The following GALNTL5 variants were observed in gnomAD, a reference collection of about 807,000 sequenced individuals.
GALNTL5 encodes the protein polypeptide N-acetylgalactosaminyltransferase like 5, also known as inactive polypeptide N-acetylgalactosaminyltransferase-like protein 5.
A neutral mutation model predicts 51.0 loss-of-function variants in GALNTL5; 44 were observed. The observed-to-expected ratio is 0.86, with a 90% CI of 0.68 to 1.11. GALNTL5 has a LOEUF of 1.11. GALNTL5 is among the 50% of genes least tolerant of loss of function. The probability of loss-of-function intolerance (pLI) is 0.00; values close to 1 mark genes in which losing one functional copy is unlikely to be tolerated. For missense variants in GALNTL5, 528 were observed against 531.8 expected, an observed-to-expected ratio of 0.99 and a Z score of 0.07; for synonymous variants, 192 against 182.8, an observed-to-expected ratio of 1.05 and a Z score of -0.41.
intron 7 of GALNTL5, among the ~76,000 whole-genome samples, chr7:152,010,645 G>C (rs1227450735): frequency 6.6e-6 from 1 of 151,858 alleles, no homozygotes; most frequent in Non-Finnish European, 1.5e-5. Flanking sequence ...GTACACGTCT[G>C]TAATCCCAGC....
chr7:151,962,979 T>A (rs1244731996), intron 1 of GALNTL5, among the ~76,000 whole-genome samples: 4 of 152,200 alleles, frequency 2.6e-5, no homozygotes, highest in Non-Finnish European at 5.9e-5. Flanking sequence ...AAAAAAAGAA[T>A]ACATGGAGAG....
At position 151,980,841 on chromosome 7, in the gene GALNTL5, G is replaced by A. The variant is rs576689130; in HGVS notation, c.369-2145G>A. Among the ~76,000 whole-genome samples, 14 of 140,610 alleles carry A rather than the reference G, an allele frequency of 1.0e-4. 1 individual carries two copies. Among genetic ancestry groups the A allele is most frequent in the Admixed American group, 2.2e-4 (3 of 13,628 alleles). The allele number at this position is 140,610 out of a possible 152,430, so 92.2% of individuals were successfully genotyped here. On this transcript the variant is annotated intron_variant, in intron 3 of 8. Coordinates refer to ENST00000392800, the MANE Select transcript of GALNTL5 (RefSeq NM_145292.4). ...GCTCACTGCAAGCTCCGCCTCCTGGGTTCACGCCATTCTCCTGCCTCAGCC... is the reference window on the plus strand; with the variant it reads ...GCTCACTGCAAGCTCCGCCTCCTGGATTCACGCCATTCTCCTGCCTCAGCC...
intron 3 of GALNTL5, among the ~76,000 whole-genome samples, chr7:151,976,816 C>T (rs1202546098): frequency 6.6e-6 from 1 of 151,978 alleles, no homozygotes; most frequent in Non-Finnish European, 1.5e-5. Context: ...TACAGGCGTG[C>T]ACCACCACAC....
chr7:151,996,988 A>G (rs1010417990), intron 5 of GALNTL5, among the ~76,000 whole-genome samples: 2 of 146,354 alleles, frequency 1.4e-5, no homozygotes, highest in Admixed American at 6.9e-5. Flanking sequence ...ATTGATACAT[A>G]CGCTATTTGT....
At chr7:151,975,561 T>C (rs1007047986) in intron 3 of GALNTL5, among the ~76,000 whole-genome samples, 1 of 152,108 alleles carries the variant, frequency 6.6e-6, no homozygotes, top group Non-Finnish European at 1.5e-5. Context: ...CTCTATTTCA[T>C]TTATTTCTGC....
At chr7:151,962,436 C>CT (rs61210832) in intron 1 of GALNTL5, among the ~76,000 whole-genome samples, 2,031 of 116,212 alleles carry the variant, frequency 0.017, 44 homozygotes, top group African/African-American at 0.057. Context: ...ATTTTTTTTT[C>CT]TTTTTTTTTT....
At chr7:151,983,177 A>G (rs981293137) in intron 4 of GALNTL5, 25 bp downstream of exon 4, 2 of 1,561,156 alleles carry the variant, frequency 1.3e-6, no homozygotes, top group Non-Finnish European at 8.8e-7. Context: ...TCATTATCTC[A>G]TCTACTTTGT....
intron 7 of GALNTL5, among the ~76,000 whole-genome samples, chr7:152,008,894 T>A (rs2081691223): frequency 6.6e-6 from 1 of 152,252 alleles, no homozygotes; most frequent in Admixed American, 6.5e-5. Flanking sequence ...CTCAAGGAGT[T>A]CACCTCCTTT....
intron 7 of GALNTL5, among the ~76,000 whole-genome samples, chr7:152,009,029 A>T (rs780271803): frequency 2.3e-4 from 35 of 152,212 alleles, no homozygotes; most frequent in Non-Finnish European, 4.9e-4. Context: ...TTATTCAAAC[A>T]TTAATTATTC....
chr7:151,990,844 A>G (rs2081419939), intron 5 of GALNTL5, among the ~76,000 whole-genome samples: 1 of 152,026 alleles, frequency 6.6e-6, no homozygotes, highest in Admixed American at 6.6e-5. Flanking sequence ...GCATCCCTGA[A>G]TGACCACATG....
Position 152,002,948 on chromosome 7 carries a change from C to T in GALNTL5, c.893C>T (p.Ser298Phe), listed in dbSNP as rs1168090679. The change falls in exon 6 of 9, where the codon TCT becomes TTT. Residue 298 changes from serine to phenylalanine, a missense_variant. Transcript: ENST00000392800. Reference sequence around the variant, plus strand: ...TATGAGATGGATGGACCAGAAGGATCTACTAAACCAATCCGGTGAGATTTC... The same window carrying T: ...TATGAGATGGATGGACCAGAAGGATTTACTAAACCAATCCGGTGAGATTTC... ...FSYEMDGPEG[S>F]TKPIRSPAMS... 2 of 1,613,668 alleles carry T rather than the reference C, an allele frequency of 1.2e-6. No homozygotes were observed. The highest frequency in any genetic ancestry group is 1.1e-5 in the South Asian group (1 of 91,070).
intron 3 of GALNTL5, 189 bp from the exon 4 acceptor site, chr7:151,982,797 T>C: frequency 1.6e-6 from 2 of 1,240,156 alleles, no homozygotes; most frequent in Non-Finnish European, 1.1e-6. Flanking sequence ...ATTCAGAAAA[T>C]ATTAGAACAA....
intron 5 of GALNTL5, among the ~76,000 whole-genome samples, chr7:152,001,078 T>C (rs2081572548): frequency 6.7e-6 from 1 of 149,678 alleles, no homozygotes; most frequent in African/African-American, 2.5e-5. Context: ...GCTAATTTTT[T>C]TTTTTTGTAT....
chr7:152,007,543 C>T (rs918196468), intron 6 of GALNTL5, among the ~76,000 whole-genome samples: 6 of 151,256 alleles, frequency 4.0e-5, no homozygotes, highest in Non-Finnish European at 8.8e-5. Context: ...CTCAGCCTCC[C>T]GAGTAGCTGG....
In GALNTL5 at chr7:151,967,227, T is replaced by C; in HGVS notation, c.-20T>C. 2.5e-6 allele frequency: 4 copies of C among 1,601,570 alleles called. No individual in the cohort carries two copies. Among genetic ancestry groups the C allele is most frequent in the Non-Finnish European group, 3.4e-6 (4 of 1,174,078 alleles). On this transcript the variant is annotated 5_prime_UTR_variant, in exon 2 of 9. Coordinates refer to ENST00000392800, the MANE Select transcript of GALNTL5 (RefSeq NM_145292.4). Reference sequence around the variant, plus strand: ...ATTTAGGAAATTGAAAAATGGACCTTTGAAAATGCTAGATTTACAATGAGA... The same window carrying C: ...ATTTAGGAAATTGAAAAATGGACCTCTGAAAATGCTAGATTTACAATGAGA...
chr7:151,967,309 T>C lies in GALNTL5; in HGVS notation c.63T>C (p.Ala21=), dbSNP rs2081072439. The C allele has an allele frequency of 1.2e-6, 2 of 1,613,930 alleles. No individual in the cohort carries two copies. Among genetic ancestry groups the C allele is most frequent in the Non-Finnish European group, 1.7e-6 (2 of 1,179,912 alleles). ...YGSLTFGIWT[A]LLFIYLHHNH... The stretch of plus-strand genomic sequence containing the variant: ...CCTTGACATTTGGGATCTGGACAGC[T>C]CTGTTATTCATATATTTGCACCATA... The change falls in exon 2 of 9, where the codon GCT becomes GCC. Residue 21 remains alanine, a synonymous_variant. Transcript: ENST00000392800.
chr7:152,002,973 C>T lies in GALNTL5; in HGVS notation c.908+10C>T. 3 of 1,611,086 alleles carry T rather than the reference C, an allele frequency of 1.9e-6. No homozygotes were observed. The highest frequency in any genetic ancestry group is 2.5e-6 in the Non-Finnish European group (3 of 1,177,816). On this transcript the variant is annotated intron_variant, in intron 6 of 8. Coordinates refer to ENST00000392800, the MANE Select transcript of GALNTL5 (RefSeq NM_145292.4). Reference sequence around the variant, plus strand: ...CTACTAAACCAATCCGGTGAGATTTCTTCTGGTTTTGGAAAAATATAGCAT... The same window carrying T: ...CTACTAAACCAATCCGGTGAGATTTTTTCTGGTTTTGGAAAAATATAGCAT...
intron 6 of GALNTL5, among the ~76,000 whole-genome samples, chr7:152,004,977 A>G (rs1368225927): frequency 2.0e-5 from 3 of 152,218 alleles, no homozygotes; most frequent in Admixed American, 6.5e-5. Flanking sequence ...CCCAATAGTG[A>G]GAATGCTGGA....
At chr7:152,011,301 T>C (rs1210194467) in intron 7 of GALNTL5, among the ~76,000 whole-genome samples, 2 of 152,264 alleles carry the variant, frequency 1.3e-5, no homozygotes, top group South Asian at 2.1e-4. Flanking sequence ...TGGAAAGTGA[T>C]GGTTCGTGGA....
Sources: allele counts gnomAD v4.1 joint callset (sites outside exome capture counted in the v4.1 genomes callset), GRCh38; gene constraint gnomAD v4.1.1; transcripts MANE v1.5; gene names NCBI Gene and HGNC (gene_info 2026-07-23, HGNC 2026-07-21).